ZC4H2: variants seen among roughly 807,000 people sequenced by gnomAD.
ZC4H2 encodes zinc finger C4H2-type containing.
For missense variants in ZC4H2, 137 were observed against 173.9 expected, an observed-to-expected ratio of 0.79 and a Z score of 1.19; for synonymous variants, 84 against 66.3, an observed-to-expected ratio of 1.27 and a Z score of -1.30.
intron 4 of ZC4H2, 124 bp from the exon 5 acceptor site, chrX:64,918,020 G>C: frequency 2.5e-6 from 2 of 792,475 alleles, no homozygotes; most frequent in Non-Finnish European, 3.5e-6. Flanking sequence ...GCAATAATCA[G>C]TGAGTAGACT....
chrX:64,945,979 T>C (rs1602405715), intron 1 of ZC4H2, among the ~76,000 whole-genome samples: 1 of 109,669 alleles, frequency 9.1e-6, no homozygotes, highest in Non-Finnish European at 1.9e-5. Flanking sequence ...GTGCTGGGAG[T>C]GAGAATTTCA....
At chrX:64,954,858 T>C (rs1188744571) in intron 1 of ZC4H2, among the ~76,000 whole-genome samples, 1 of 111,432 alleles carries the variant, frequency 9.0e-6, no homozygotes, top group East Asian at 2.8e-4. Context: ...TGTTTAGGTA[T>C]ACAGTTTGAA....
chrX:64,943,731 T>G (rs182940421), intron 1 of ZC4H2, among the ~76,000 whole-genome samples: 69 of 111,663 alleles, frequency 6.2e-4, no homozygotes, highest in African/African-American at 2.0e-3. Context: ...TCTTTGCACA[T>G]GAGATGGGTC....
chrX:64,957,902 A>G (rs1212604314), intron 1 of ZC4H2, among the ~76,000 whole-genome samples: 2 of 111,128 alleles, frequency 1.8e-5, no homozygotes, highest in Non-Finnish European at 3.8e-5. Flanking sequence ...AGACAGAAAC[A>G]CACATATTAG....
chrX:64,922,821 G>A (rs1264591441), intron 1 of ZC4H2, among the ~76,000 whole-genome samples: 1 of 112,295 alleles, frequency 8.9e-6, no homozygotes, highest in Admixed American at 9.4e-5. Context: ...GAGGAACTGA[G>A]TTTTGAATTT....
At position 64,916,160 on chromosome X, in the gene ZC4H2, C is replaced by T. The variant is rs917691238; in HGVS notation, c.*1623G>A. On this transcript the variant is annotated 3_prime_UTR_variant, in exon 5 of 5. Transcript: ENST00000374839. ...TTAAGTTTTTGGAGGTTCAGTATCC[C>T]TTTTTTTTTAAAATGGTGATAAGAA... The T allele has an allele frequency of 1.8e-5, 2 of 110,014 alleles. No individual in the cohort carries two copies. Among genetic ancestry groups the T allele is most frequent in the Non-Finnish European group, 3.8e-5 (2 of 52,546 alleles). The allele number at this position is 110,014 out of a possible 1,213,427, so 9.1% of individuals were successfully genotyped here. A position where few individuals can be genotyped will look rare whatever the true frequency, so the allele number is the denominator to read the frequency against.
chrX:65,010,526 A>T (rs1932741173), intron 1 of ZC4H2, among the ~76,000 whole-genome samples: 1 of 110,996 alleles, frequency 9.0e-6, no homozygotes, highest in African/African-American at 3.3e-5. Flanking sequence ...CTTTTTTGGG[A>T]TTCCACTCCT....
intron 1 of ZC4H2, among the ~76,000 whole-genome samples, chrX:64,948,182 A>G (rs1348480879): frequency 9.0e-6 from 1 of 110,673 alleles, no homozygotes; most frequent in Non-Finnish European, 1.9e-5. Flanking sequence ...GAGCTCTTTG[A>G]GTTTCTTTGG....
At chrX:64,947,638 A>T (rs1366035250) in intron 1 of ZC4H2, among the ~76,000 whole-genome samples, 1 of 112,361 alleles carries the variant, frequency 8.9e-6, no homozygotes, top group Non-Finnish European at 1.9e-5. Context: ...TGGATGAACC[A>T]CAACCTAATT....
intron 1 of ZC4H2, among the ~76,000 whole-genome samples, chrX:64,972,220 G>A (rs898305482): frequency 9.9e-5 from 11 of 111,603 alleles, no homozygotes. Flanking sequence ...ATTGGGATTG[G>A]GAGGAAAGAC....
At chrX:65,026,106 C>T (rs915698015) in intron 1 of ZC4H2, among the ~76,000 whole-genome samples, 6 of 111,844 alleles carry the variant, frequency 5.4e-5, no homozygotes, top group Non-Finnish European at 1.1e-4. Flanking sequence ...GGCATGAGAC[C>T]TATTTGCAAA....
At chrX:65,020,988 T>C (rs1932832493) in intron 1 of ZC4H2, among the ~76,000 whole-genome samples, 1 of 109,022 alleles carries the variant, frequency 9.2e-6, no homozygotes, top group Non-Finnish European at 1.9e-5. Context: ...TATCCTAATA[T>C]ATATACACCC....
chrX:65,025,567 G>A (rs1602461556), intron 1 of ZC4H2, among the ~76,000 whole-genome samples: 1 of 111,451 alleles, frequency 9.0e-6, no homozygotes, highest in East Asian at 2.8e-4. Context: ...GTGAGAGAGT[G>A]GGATTAGGGA....
intron 1 of ZC4H2, 41 bp from the exon 2 acceptor site, chrX:64,922,029 G>C (rs1244160321): frequency 8.4e-7 from 1 of 1,197,106 alleles, no homozygotes; most frequent in South Asian, 1.8e-5. Context: ...AGCAAAAGAA[G>C]GGAGAAAATA....
chrX:64,963,316 A>T (rs777122788), intron 1 of ZC4H2, among the ~76,000 whole-genome samples: 23 of 112,001 alleles, frequency 2.1e-4, no homozygotes, highest in African/African-American at 7.4e-4. Context: ...TAACTTCTGA[A>T]ACTACAAAAC....
At chrX:65,018,868 C>T (rs1450339411) in intron 1 of ZC4H2, among the ~76,000 whole-genome samples, 1 of 111,576 alleles carries the variant, frequency 9.0e-6, no homozygotes, top group African/African-American at 3.3e-5. Context: ...TCTGCCATTG[C>T]TGAGGCTTGA....
At chrX:64,978,697 G>C (rs185752063), upstream of ZC4H2, among the ~76,000 whole-genome samples, 158 of 111,022 alleles carry the variant, frequency 1.4e-3, no homozygotes, top group African/African-American at 4.2e-3. Flanking sequence ...GCCCAGTTTG[G>C]ACCAAGTTAC....
intron 1 of ZC4H2, among the ~76,000 whole-genome samples, chrX:64,924,396 G>T (rs1929339650): frequency 8.9e-6 from 1 of 111,806 alleles, no homozygotes; most frequent in African/African-American, 3.3e-5. Context: ...CATGTGCCAG[G>T]CATTCATTGT....
intron 1 of ZC4H2, among the ~76,000 whole-genome samples, chrX:64,975,794 T>C (rs1931927401): frequency 9.0e-6 from 1 of 110,787 alleles, no homozygotes; most frequent in Non-Finnish European, 1.9e-5. Context: ...AGGAAGAAAG[T>C]GGCGAGTGAG....
Sources: allele counts gnomAD v4.1 joint callset (sites outside exome capture counted in the v4.1 genomes callset), GRCh38; gene constraint gnomAD v4.1.1; transcripts MANE v1.5; gene names NCBI Gene and HGNC (gene_info 2026-07-23, HGNC 2026-07-21).